Variants in PLCH2 observed in about 807,000 individuals in gnomAD.
PLCH2 encodes 1-phosphatidylinositol 4,5-bisphosphate phosphodiesterase eta-2.
PLCH2 carries 98 observed loss-of-function variants against 134.7 expected under a neutral mutation model. The ratio of observed to expected loss-of-function variants is 0.73; its 90% confidence interval spans 0.62 to 0.86. PLCH2 has a LOEUF of 0.86. PLCH2 is among the 40% of genes least tolerant of loss of function. The pLI is 0.00. For synonymous variants in PLCH2, 974 were observed against 827.5 expected, an observed-to-expected ratio of 1.18 and a Z score of -3.04; for missense variants, 1,994 against 1,986.6, an observed-to-expected ratio of 1.00 and a Z score of -0.07.
At chr1:2,436,395 CCTTTCCTCCTTCCTCCCTCCA>C (rs1639384221) in intron 2 of PLCH2, among the ~76,000 whole-genome samples, 2 of 68,288 alleles carry the variant, frequency 2.9e-5, no homozygotes, top group African/African-American at 9.1e-5. Flanking sequence ...CCTCCCTCCA[CCTTTCCTCCTTCCTCCCTCCA>C]CCTTTCCTCC....
intron 6 of PLCH2, 42 bp downstream of exon 6, chr1:2,487,042 T>G: frequency 1.3e-6 from 2 of 1,548,218 alleles, no homozygotes; most frequent in East Asian, 2.4e-5. Flanking sequence ...CCTGGGATGC[T>G]GGAGGGGCAA....
intron 5 of PLCH2, among the ~76,000 whole-genome samples, chr1:2,486,252 C>G (rs1252901807): frequency 2.6e-5 from 4 of 152,194 alleles, no homozygotes; most frequent in Non-Finnish European, 4.4e-5. Flanking sequence ...GTCCTCCAGC[C>G]GGCAACTGGT....
chr1:2,439,896 G>A lies in PLCH2; in HGVS notation c.115+9267G>A, dbSNP rs1570258005. Among the ~76,000 whole-genome samples, 1 of 152,132 alleles carries A rather than the reference G, an allele frequency of 6.6e-6. No individual in the cohort carries two copies. Among genetic ancestry groups the A allele is most frequent in the Non-Finnish European group, 1.5e-5 (1 of 68,016 alleles). On this transcript the variant is annotated intron_variant, in intron 2 of 3. Coordinates refer to the PLCH2 transcript ENST00000609981. The surrounding 1 kb of genome is among the most constrained non-coding windows in gnomAD (Gnocchi z 4.7). ...CCTGCAGGGACCTCATGATCTTAAT[G>A]TGAAGGGCAGACTCAAAATCAGGGC... is the stretch of plus-strand genomic sequence containing the variant.
At chr1:2,429,877 G>A (rs1463276543) in intron 1 of PLCH2, among the ~76,000 whole-genome samples, 2 of 152,146 alleles carry the variant, frequency 1.3e-5, no homozygotes, top group Admixed American at 6.5e-5. Context: ...GGGCTGGGGG[G>A]GCCGGCCTCA....
At chr1:2,462,319 G>A (rs1181877324) in intron 2 of PLCH2, among the ~76,000 whole-genome samples, 1 of 52,514 alleles carries the variant, frequency 1.9e-5, no homozygotes, top group Non-Finnish European at 3.6e-5. Flanking sequence ...CACCCCCTCT[G>A]CCTGACACCC....
At position 2,476,432 on chromosome 1, in the gene PLCH2, G is replaced by A; in HGVS notation, c.-157G>A. Reference sequence around the variant, plus strand: ...AGCCGGGCCTGGGCACAGCCCTGTGGGGGCTTCGGAGGGCCCTGAGGAGGA... The same window carrying A: ...AGCCGGGCCTGGGCACAGCCCTGTGAGGGCTTCGGAGGGCCCTGAGGAGGA... On this transcript the variant is annotated 5_prime_UTR_variant, in exon 1 of 22. Transcript: ENST00000378486. 2 of 700,250 alleles carry A rather than the reference G, an allele frequency of 2.9e-6. No individual in the cohort carries two copies. The highest frequency in any genetic ancestry group is 4.5e-6 in the Non-Finnish European group (2 of 444,900). The allele number at this position is 700,250 out of a possible 1,614,324, so 43.4% of individuals were successfully genotyped here.
the PLCH2 span, among the ~76,000 whole-genome samples, chr1:2,417,076 T>TC: frequency 6.6e-6 from 1 of 152,092 alleles, no homozygotes; most frequent in Non-Finnish European, 1.5e-5. Context: ...CCATGCCTGG[T>TC]CCAAGGCAGG....
At chr1:2,457,727 C>T (rs1339486799) in intron 2 of PLCH2, among the ~76,000 whole-genome samples, 2 of 152,060 alleles carry the variant, frequency 1.3e-5, no homozygotes, top group Non-Finnish European at 2.9e-5. Flanking sequence ...GTGGCTCACC[C>T]CGAGTCCTGG....
intron 2 of PLCH2, among the ~76,000 whole-genome samples, chr1:2,453,105 C>G (rs2100562365): frequency 6.6e-6 from 1 of 152,218 alleles, no homozygotes; most frequent in African/African-American, 2.4e-5. Context: ...CCACCTCCAC[C>G]CAGGCCTGGG....
At position 2,444,499 on chromosome 1, in the gene PLCH2, C is replaced by A. The variant is rs1484208648; in HGVS notation, c.115+13870C>A. On this transcript the variant is annotated intron_variant, in intron 2 of 3. Transcript: ENST00000609981. The surrounding 1 kb of genome is among the most constrained non-coding windows in gnomAD (Gnocchi z 4.6). ...GGAGCTCCGGAGGCCCTGGGGCGGC[C>A]CTGCTGGATGGTCTGTAGGACACGG... Among the ~76,000 whole-genome samples the A allele has an allele frequency of 6.6e-6, 1 of 151,966 alleles. No individual in the cohort carries two copies. The highest frequency in any genetic ancestry group is 2.4e-5 in the African/African-American group (1 of 41,446).
At chr1:2,416,293 G>A in the PLCH2 span, among the ~76,000 whole-genome samples, 44,283 of 152,156 alleles carry the variant, frequency 0.29, 6,857 homozygotes, top group East Asian at 0.5. Context: ...TGCCCAGCAT[G>A]GCAGTTCTGG....
intron 5 of PLCH2, among the ~76,000 whole-genome samples, chr1:2,485,880 C>T (rs958592183): frequency 1.3e-5 from 2 of 152,192 alleles, no homozygotes; most frequent in Non-Finnish European, 2.9e-5. Context: ...GCCTTTGGGG[C>T]TGTCCCTGGG....
At chr1:2,421,702 A>C (rs1638522522), upstream of PLCH2, among the ~76,000 whole-genome samples, 1 of 152,002 alleles carries the variant, frequency 6.6e-6, no homozygotes, top group Non-Finnish European at 1.5e-5. Flanking sequence ...GGCCAGGCAC[A>C]GTGGTTCACA....
Position 2,429,039 on chromosome 1 carries a change from C to T in PLCH2, c.-177-1299C>T, listed in dbSNP as rs541736020. On this transcript the variant is annotated intron_variant, in intron 1 of 3. Transcript: ENST00000609981. The stretch of plus-strand genomic sequence containing the variant: ...GGGCCAGCCAAGTCTAGGTCTGTGC[C>T]GATTGGAGGGGGTGGGTGAGGCTGG... Among the ~76,000 whole-genome samples the T allele has an allele frequency of 5.5e-4, 83 of 151,564 alleles. 1 individual carries two copies. Among genetic ancestry groups the T allele is most frequent in the Middle Eastern group, 3.4e-3 (1 of 294 alleles).
At chr1:2,499,568 G>GA in intron 19 of PLCH2, 73 bp from the exon 20 acceptor site, 1 of 1,160,144 alleles carries the variant, frequency 8.6e-7, no homozygotes, top group Non-Finnish European at 1.3e-6. Context: ...CCTTTAAGTA[G>GA]AATGGGGGGC....
chr1:2,504,235 T>G lies in PLCH2; in HGVS notation c.3273T>G (p.Ile1091Met). 1 of 1,577,706 alleles carries G rather than the reference T, an allele frequency of 6.3e-7. No individual in the cohort carries two copies. The highest frequency in any genetic ancestry group is 1.8e-5 in the Admixed American group (1 of 54,330). Residue 1091 changes from isoleucine (I) to methionine (M), a missense_variant, in exon 22 of 22, where the codon ATT becomes ATG. Coordinates refer to ENST00000378486, the MANE Select transcript of PLCH2 (RefSeq NM_014638.4). ...QPRTLGHLPVIRRVKSEGQVP... is the reference protein window; with the variant it reads ...QPRTLGHLPVMRRVKSEGQVP... ...GGACCCTGGGCCACCTGCCCGTGAT[T>G]AGAAGGGTGAAGAGTGAGGGGCAGG...
rs12736998 is a variant in PLCH2 at position 2,502,461 on chromosome 1, C to G, written c.2959+52C>G. ...AAGAGCCCTGTGCGAGTGCGGCCCC[C>G]GCGTGTCCTGGACGGCCCCGGGCCT... On this transcript the variant is annotated intron_variant, in intron 21 of 21. Coordinates refer to ENST00000378486, the MANE Select transcript of PLCH2 (RefSeq NM_014638.4). The G allele has an allele frequency of 5.4e-5, 81 of 1,512,336 alleles. 1 individual carries two copies. In the Admixed American group the frequency reaches 1.6e-3, roughly 30 times the overall value. 93.7% of individuals were successfully genotyped at this position (1,512,336 alleles called of 1,614,324 possible).
chr1:2,499,759 G>C (rs1156811091), intron 20 of PLCH2, 39 bp downstream of exon 20: 10 of 1,454,816 alleles, frequency 6.9e-6, no homozygotes, highest in Non-Finnish European at 9.4e-6. Flanking sequence ...CATGGGGAGG[G>C]GCCACACCAG....
At chr1:2,480,718 G>T (rs1258257907) in intron 4 of PLCH2, among the ~76,000 whole-genome samples, 1 of 152,228 alleles carries the variant, frequency 6.6e-6, no homozygotes, top group East Asian at 1.9e-4. Flanking sequence ...AGTCTGATGC[G>T]CAGCAGCTCG....
Sources: allele counts gnomAD v4.1 joint callset (sites outside exome capture counted in the v4.1 genomes callset), GRCh38; gene constraint gnomAD v4.1.1; non-coding constraint Gnocchi (gnomAD v3.1); transcripts MANE v1.5; gene names NCBI Gene and HGNC (gene_info 2026-07-23, HGNC 2026-07-21).